Variants in RALGPS1 observed in about 807,000 individuals in gnomAD.
RALGPS1 encodes the protein ras-specific guanine nucleotide-releasing factor RalGPS1.
A neutral mutation model predicts 78.8 loss-of-function variants in RALGPS1; 19 were observed. That is an observed-to-expected ratio of 0.24 (90% CI 0.17 to 0.35). The LOEUF (loss-of-function observed/expected upper bound fraction) is 0.35. RALGPS1 is among the 10% of genes least tolerant of loss of function. The probability of loss-of-function intolerance (pLI) is 1.00; values close to 1 mark genes in which losing one functional copy is unlikely to be tolerated. For synonymous variants in RALGPS1, 228 were observed against 256.3 expected, an observed-to-expected ratio of 0.89 and a Z score of 1.06; for missense variants, 454 against 688.3, an observed-to-expected ratio of 0.66 and a Z score of 3.81.
chr9:127,199,532 C>CTCGAGGATCCCTCTGCCTCCT (rs2061511708), intron 14 of RALGPS1, among the ~76,000 whole-genome samples: 2 of 149,436 alleles, frequency 1.3e-5, no homozygotes, highest in Non-Finnish European at 3.0e-5. Flanking sequence ...CTCTGCCTCC[C>CTCGAGGATCCCTCTGCCTCCT]TCGAGGATCC....
chr9:126,928,690 C>T (rs977343765), intron 1 of RALGPS1, among the ~76,000 whole-genome samples: 3 of 152,050 alleles, frequency 2.0e-5, no homozygotes, highest in African/African-American at 7.2e-5. Flanking sequence ...CAACCTCCAC[C>T]TCCCAGCTCC....
chr9:127,217,037 C>T lies in RALGPS1; in HGVS notation c.1645-1703C>T, dbSNP rs1420322588. Reference sequence around the variant, plus strand: ...CCATGGTGGCCCCAGTCAGGAGCAACAGTGGTAGCCCTGAGTAAAACCCAT... The same window carrying T: ...CCATGGTGGCCCCAGTCAGGAGCAATAGTGGTAGCCCTGAGTAAAACCCAT... On this transcript the variant is annotated intron_variant, in intron 18 of 18. Coordinates refer to ENST00000259351, the MANE Select transcript of RALGPS1 (RefSeq NM_014636.3). The T allele has an allele frequency of 4.0e-6, 6 of 1,495,512 alleles. No individual in the cohort carries two copies. The South Asian group carries it at 6.7e-5, about 17-fold the overall frequency. 92.6% of individuals were successfully genotyped at this position (1,495,512 alleles called of 1,614,324 possible). A position where few individuals can be genotyped will look rare whatever the true frequency, so the allele number is the denominator to read the frequency against.
chr9:127,161,083 A>G (rs1245761021), intron 8 of RALGPS1, among the ~76,000 whole-genome samples: 3 of 152,208 alleles, frequency 2.0e-5, no homozygotes, highest in Non-Finnish European at 4.4e-5. Context: ...CAACATCACA[A>G]TGTCATCTGC....
chr9:127,136,226 G>A (rs543887369), intron 8 of RALGPS1, among the ~76,000 whole-genome samples: 1 of 152,296 alleles, frequency 6.6e-6, no homozygotes, highest in African/African-American at 2.4e-5. Context: ...GGCAGGAAGG[G>A]GCAGAAGCAC....
intron 11 of RALGPS1, among the ~76,000 whole-genome samples, chr9:127,194,380 A>T (rs1380548921): frequency 6.6e-6 from 1 of 152,134 alleles, no homozygotes; most frequent in Non-Finnish European, 1.5e-5. Flanking sequence ...GCTGTGTAAG[A>T]GCTCAGGGGT....
intron 8 of RALGPS1, among the ~76,000 whole-genome samples, chr9:127,164,121 G>A (rs1208611808): frequency 1.3e-5 from 2 of 152,018 alleles, no homozygotes; most frequent in South Asian, 2.1e-4. Flanking sequence ...AATGAAAGTA[G>A]ATAATATAGC....
chr9:127,021,627 CTTTT>C (rs58796181), intron 4 of RALGPS1, among the ~76,000 whole-genome samples: 1 of 131,992 alleles, frequency 7.6e-6, no homozygotes, highest in African/African-American at 2.9e-5. Flanking sequence ...TCTTCTTCTT[CTTTT>C]TTTTTTTTTT....
In RALGPS1 at chr9:126,961,508, A is replaced by G. The variant is rs976329058; in HGVS notation, c.-65-717A>G. 2.6e-5 allele frequency among the ~76,000 whole-genome samples: 4 copies of G among 152,212 alleles called. No individual in the cohort carries two copies. In the East Asian group the frequency reaches 7.7e-4, roughly 29 times the overall value. ...GTCTTCTTCACCCTGCCTTTGGTTT[A>G]AAAGAAAAATCAAGGCTGGATGCGG... is the stretch of plus-strand genomic sequence containing the variant. On this transcript the variant is annotated intron_variant, in intron 1 of 18. Coordinates refer to ENST00000259351, the MANE Select transcript of RALGPS1 (RefSeq NM_014636.3).
At chr9:126,921,315 A>G (rs1398806916) in intron 1 of RALGPS1, among the ~76,000 whole-genome samples, 4 of 152,228 alleles carry the variant, frequency 2.6e-5, no homozygotes, top group Non-Finnish European at 2.9e-5. Context: ...CTCCAGGGCT[A>G]TAGGCTTGTC....
chr9:127,185,042 G>A (rs1163123339), intron 11 of RALGPS1, among the ~76,000 whole-genome samples: 1 of 152,096 alleles, frequency 6.6e-6, no homozygotes, highest in Non-Finnish European at 1.5e-5. Flanking sequence ...TCTACCCAGT[G>A]GCCTCCAGAT....
rs897438682 is a variant in RALGPS1 at position 127,222,667 on chromosome 9, C to T, written c.*3898C>T. 2 of 152,572 alleles carry T rather than the reference C, an allele frequency of 1.3e-5. No homozygotes were observed. The highest frequency in any genetic ancestry group is 2.9e-5 in the Non-Finnish European group (2 of 68,050). 9.5% of individuals were successfully genotyped at this position (152,572 alleles called of 1,614,324 possible). A position where few individuals can be genotyped will look rare whatever the true frequency, so the allele number is the denominator to read the frequency against. ...CTGTCCATTTTAGAACCATTAATCT[C>T]TTTATCCATTGCTGAACGACTGTGA... is the stretch of plus-strand genomic sequence containing the variant. On this transcript the variant is annotated 3_prime_UTR_variant, in exon 19 of 19. Coordinates refer to ENST00000259351, the MANE Select transcript of RALGPS1 (RefSeq NM_014636.3).
At chr9:127,128,890 C>G (rs1007001530) in intron 8 of RALGPS1, among the ~76,000 whole-genome samples, 2 of 152,194 alleles carry the variant, frequency 1.3e-5, no homozygotes, top group Non-Finnish European at 1.5e-5. Context: ...GCTGGCCAAA[C>G]AAGTATATCC....
In RALGPS1 at chr9:126,969,964, A is replaced by G. The variant is rs542464446; in HGVS notation, c.165+4013A>G. Among the ~76,000 whole-genome samples, 10 of 152,334 alleles carry G rather than the reference A, an allele frequency of 6.6e-5. No homozygotes were observed. In the East Asian group the frequency reaches 1.9e-3, roughly 29 times the overall value. ...TGGAGTCTTTGGCCTCTGGGAAAGC[A>G]CTGGAGTGCCTAGGTGTTAGAATTG... On this transcript the variant is annotated intron_variant, in intron 3 of 18. Coordinates refer to ENST00000259351, the MANE Select transcript of RALGPS1 (RefSeq NM_014636.3).
chr9:127,145,510 A>G (rs979950131), intron 8 of RALGPS1, among the ~76,000 whole-genome samples: 6 of 152,196 alleles, frequency 3.9e-5, no homozygotes, highest in Admixed American at 1.3e-4. Context: ...TTTGTTGACT[A>G]TTGGAGGACC....
At chr9:127,129,636 G>A (rs1247770899) in intron 8 of RALGPS1, among the ~76,000 whole-genome samples, 1 of 152,238 alleles carries the variant, frequency 6.6e-6, no homozygotes, top group Non-Finnish European at 1.5e-5. Context: ...ACCCCAGATG[G>A]AGGTGCTGGT....
intron 8 of RALGPS1, among the ~76,000 whole-genome samples, chr9:127,132,573 A>T (rs577958122): frequency 1.3e-5 from 2 of 152,334 alleles, no homozygotes; most frequent in South Asian, 4.1e-4. Flanking sequence ...TGCTTGACAC[A>T]CACCAGGGGG....
chr9:126,922,344 C>A (rs2034849495), intron 1 of RALGPS1, among the ~76,000 whole-genome samples: 1 of 152,118 alleles, frequency 6.6e-6, no homozygotes, highest in East Asian at 1.9e-4. Context: ...CTTTTAAAAT[C>A]ATCTGAGATG....
intron 11 of RALGPS1, among the ~76,000 whole-genome samples, chr9:127,193,906 C>G (rs1429360267): frequency 6.6e-6 from 1 of 152,202 alleles, no homozygotes; most frequent in African/African-American, 2.4e-5. Flanking sequence ...CTGGAGTCAC[C>G]TCCCTTAAAG....
intron 10 of RALGPS1, among the ~76,000 whole-genome samples, chr9:127,170,679 C>T (rs1340727310): frequency 6.6e-6 from 1 of 152,186 alleles, no homozygotes. Context: ...CACTAATATG[C>T]TTTAGACAGA....
Sources: gnomAD v4.1 joint callset for allele counts (sites outside exome capture counted in the v4.1 genomes callset) on GRCh38, gnomAD v4.1.1 for gene constraint, MANE v1.5 for transcripts, NCBI Gene and HGNC (gene_info 2026-07-23, HGNC 2026-07-21) for gene names.